TRPV2: variants seen among roughly 807,000 people sequenced by gnomAD.
The protein encoded by TRPV2 is OTRPC2.
A neutral mutation model predicts 91.0 loss-of-function variants in TRPV2; 58 were observed. The observed-to-expected ratio is 0.64, with a 90% CI of 0.52 to 0.79. The LOEUF is 0.79. Among genes scored for constraint, TRPV2 ranks in the 30% least tolerant of loss-of-function variants. The pLI is 0.00. For synonymous variants in TRPV2, 417 were observed against 414.8 expected (o/e 1.01, Z -0.06); for missense variants, 807 against 969.6 (o/e 0.83, Z 2.23).
chr17:16,422,360 GA>G (rs10708363), intron 3 of TRPV2, among the ~76,000 whole-genome samples: 5,122 of 148,930 alleles, frequency 0.034, 287 homozygotes, highest in African/African-American at 0.12. Flanking sequence ...AAAAGAAAAA[GA>G]AAAAAAAAGA....
At chr17:16,430,610 C>T (rs543909123) in intron 10 of TRPV2, among the ~76,000 whole-genome samples, 4 of 151,866 alleles carry the variant, frequency 2.6e-5, no homozygotes, top group South Asian at 4.2e-4. Context: ...CTCAGCCTCC[C>T]GAGTAGCTGG....
rs1358015619 is a variant in TRPV2, at chr17:16,420,172, TG to T, written c.259del (p.Val87SerfsTer12). ...GGCTCTTCAATGCGGTCTCCCGGGG[TG>T]TCCCCGAGGATCTGGCTGGACTTCC... ...DRLFNAVSRG[V>X]PEDLAGLPEY... On this transcript the variant is annotated frameshift_variant, in exon 3 of 15. Transcript: ENST00000338560. LOFTEE classifies it high-confidence loss of function. 2 of 1,613,980 alleles carry T rather than the reference TG, an allele frequency of 1.2e-6. No homozygotes were observed. Among genetic ancestry groups the T allele is most frequent in the East Asian group, 2.2e-5 (1 of 44,872 alleles).
At position 16,429,000 on chromosome 17, in the gene TRPV2, C is replaced by G. The variant is rs1460234897; in HGVS notation, c.1587+18C>G. On this transcript the variant is annotated intron_variant, in intron 10 of 14. Coordinates refer to ENST00000338560, the MANE Select transcript of TRPV2 (RefSeq NM_016113.5). ...TCCAGAAGGTGAGAGAAGGGGGTGG[C>G]CCACCGGGACTCTTTTGGCCTCATC... 10 of 1,613,084 alleles carry G rather than the reference C, an allele frequency of 6.2e-6. No individual in the cohort carries two copies. The highest frequency in any genetic ancestry group is 4.0e-5 in the African/African-American group (3 of 74,918).
chr17:16,426,389 C>A lies in TRPV2; in HGVS notation c.1095+120C>A. On this transcript the variant is annotated intron_variant, in intron 6 of 14. Transcript: ENST00000338560. This position sits in a 1 kb window ranked among gnomAD's most constrained non-coding sequence, Gnocchi z 6.0. ...CATTCCTGTGCCAGTGGGGGTGTGG[C>A]TGCATGTCCCAGCAGGCACGACCCT... 1 of 1,270,342 alleles carries A rather than the reference C, an allele frequency of 7.9e-7. No homozygotes were observed. The highest frequency in any genetic ancestry group is 1.1e-6 in the Non-Finnish European group (1 of 923,508). The allele number at this position is 1,270,342 out of a possible 1,614,324, so 78.7% of individuals were successfully genotyped here.
chr17:16,423,683 C>G lies in TRPV2; in HGVS notation c.840C>G (p.Leu280=). 6.2e-7 allele frequency: 1 copy of G among 1,614,148 alleles called. No individual in the cohort carries two copies. Among genetic ancestry groups the G allele is most frequent in the African/African-American group, 1.3e-5 (1 of 75,072 alleles). Residue 280 remains leucine (L), a synonymous_variant, in exon 5 of 15, where the codon CTC becomes CTG. Transcript: ENST00000338560. The part of the protein sequence containing the change: ...YDGLLQAGAR[L]CPTVQLEDIR... ...GGCTCCTCCAAGCTGGGGCCCGCCTCTGCCCTACCGTGCAGCTTGAGGACA... is the reference window on the plus strand; with the variant it reads ...GGCTCCTCCAAGCTGGGGCCCGCCTGTGCCCTACCGTGCAGCTTGAGGACA...
intron 3 of TRPV2, 93 bp downstream of exon 3, chr17:16,420,341 A>C: frequency 2.7e-6 from 4 of 1,464,852 alleles, no homozygotes; most frequent in Non-Finnish European, 3.7e-6. Context: ...GGAGCTGAGG[A>C]GTGAGTGTTC....
Position 16,423,693 on chromosome 17 carries a change from G to A in TRPV2, c.850G>A (p.Val284Met), listed in dbSNP as rs370847348. The change falls in exon 5 of 15, where the codon GTG becomes ATG. Residue 284 changes from valine (V) to methionine (M), a missense_variant. Val to Met is a conservative substitution (Grantham distance 21, BLOSUM62 1). Coordinates refer to ENST00000338560, the MANE Select transcript of TRPV2 (RefSeq NM_016113.5). ...AGCTGGGGCCCGCCTCTGCCCTACCGTGCAGCTTGAGGACATCCGCAACCT... is the reference window on the plus strand; with the variant it reads ...AGCTGGGGCCCGCCTCTGCCCTACCATGCAGCTTGAGGACATCCGCAACCT... ...LQAGARLCPT[V>M]QLEDIRNLQD... is the part of the protein sequence containing the mutation. 9.9e-6 allele frequency: 16 copies of A among 1,613,716 alleles called. No individual in the cohort carries two copies. Among genetic ancestry groups the A allele is most frequent in the East Asian group, 8.9e-5 (4 of 44,880 alleles).
chr17:16,428,066 A>T (rs2093392364), intron 8 of TRPV2, among the ~76,000 whole-genome samples: 1 of 152,074 alleles, frequency 6.6e-6, no homozygotes, highest in African/African-American at 2.4e-5. Context: ...AGGGAAGGGA[A>T]AGGTGCTCTT....
intron 8 of TRPV2, 37 bp downstream of exon 8, chr17:16,427,584 C>T (rs2093389774): frequency 1.3e-6 from 2 of 1,582,224 alleles, no homozygotes; most frequent in African/African-American, 1.3e-5. Flanking sequence ...AAGAAGCAAA[C>T]CTAGAATTCT....
intron 14 of TRPV2, among the ~76,000 whole-genome samples, chr17:16,436,170 C>T (rs1321180479): frequency 6.6e-6 from 1 of 152,198 alleles, no homozygotes; most frequent in Non-Finnish European, 1.5e-5. Context: ...CTCTGCCCTG[C>T]CCTGCCTCTT....
chr17:16,419,351 G>T, intron 2 of TRPV2: 1 of 471,046 alleles, frequency 2.1e-6, no homozygotes. Context: ...TTCTCATTAG[G>T]TGTGCCTTCT....
In TRPV2 at chr17:16,433,681, T is replaced by A. The variant is rs1326280728; in HGVS notation, c.2097T>A (p.Asp699Glu). The change falls in exon 13 of 15, where the codon GAT (aspartate) becomes GAA (glutamate). Residue 699 changes from aspartate (D) to glutamate (E), a missense_variant. Coordinates refer to ENST00000338560, the MANE Select transcript of TRPV2 (RefSeq NM_016113.5). ...TVGTKPDGSPDERWCFRVEEV... is the reference protein window; with the variant it reads ...TVGTKPDGSPEERWCFRVEEV... The stretch of plus-strand genomic sequence containing the variant: ...GCACTAAGCCAGATGGCAGCCCCGA[T>A]GAGCGCTGGTGCTTCAGGTGAGTGA... The A allele has an allele frequency of 1.1e-5, 18 of 1,613,776 alleles. No homozygotes were observed. In the Admixed American group the frequency reaches 2.0e-4, roughly 18 times the overall value.
intron 10 of TRPV2, among the ~76,000 whole-genome samples, chr17:16,431,262 T>C (rs1370138058): frequency 1.7e-4 from 9 of 53,392 alleles, no homozygotes; most frequent in Non-Finnish European, 3.4e-4. Flanking sequence ...GAGACATATA[T>C]ATATATATAT....
intron 12 of TRPV2, 139 bp downstream of exon 12, chr17:16,432,439 C>CTT (rs5819571): frequency 0.27 from 141,864 of 523,980 alleles, 8,706 homozygotes; most frequent in Non-Finnish European, 0.29. Context: ...CTTCCTCTTC[C>CTT]TTTTTTTTTT....
Position 16,417,601 on chromosome 17 carries a change from G to C in TRPV2, c.-68G>C, listed in dbSNP as rs186827127. 6 of 1,556,180 alleles carry C rather than the reference G, an allele frequency of 3.9e-6. No individual in the cohort carries two copies. The Admixed American group carries it at 1.0e-4, about 26-fold the overall frequency. On this transcript the variant is annotated 5_prime_UTR_variant, in exon 2 of 15. Coordinates refer to ENST00000338560, the MANE Select transcript of TRPV2 (RefSeq NM_016113.5). Reference sequence around the variant, plus strand: ...AACACCGACGCGCAGCTGGGAGGAAGACAGGACCCTTGACATCTCCATCTG... The same window carrying C: ...AACACCGACGCGCAGCTGGGAGGAACACAGGACCCTTGACATCTCCATCTG...
chr17:16,426,667 G>C lies in TRPV2; in HGVS notation c.1096-55G>C. The C allele has an allele frequency of 1.3e-6, 2 of 1,570,206 alleles. No homozygotes were observed. Among genetic ancestry groups the C allele is most frequent in the African/African-American group, 1.4e-5 (1 of 74,054 alleles). On this transcript the variant is annotated intron_variant, in intron 6 of 14. Transcript: ENST00000338560. The surrounding 1 kb of genome is among the most constrained non-coding windows in gnomAD (Gnocchi z 6.0). ...CTTGCTTTGATCTTGACATGGAGTG[G>C]GCAGCCTATTTGCACTTGTTGAGTG...
intron 10 of TRPV2, among the ~76,000 whole-genome samples, chr17:16,431,233 C>T (rs2093408274): frequency 8.4e-6 from 1 of 118,516 alleles, no homozygotes; most frequent in African/African-American, 3.3e-5. Context: ...AAGTTTTAAG[C>T]AGGAAAACAA....
intron 13 of TRPV2, chr17:16,434,558 T>G: frequency 3.8e-6 from 1 of 261,062 alleles, no homozygotes; most frequent in Non-Finnish European, 7.2e-6. Context: ...GTCTTGGGCA[T>G]GAGGAGCAGC....
intron 2 of TRPV2, among the ~76,000 whole-genome samples, chr17:16,418,758 T>A (rs552431678): frequency 1.3e-5 from 2 of 152,242 alleles, no homozygotes; most frequent in East Asian, 3.9e-4. Context: ...AGGACCATGA[T>A]GCCACCCTGG....
Sources: allele counts gnomAD v4.1 joint callset (sites outside exome capture counted in the v4.1 genomes callset), GRCh38; gene constraint gnomAD v4.1.1; non-coding constraint Gnocchi (gnomAD v3.1); transcripts MANE v1.5; gene names NCBI Gene and HGNC (gene_info 2026-07-23, HGNC 2026-07-21).